MECOM: variants seen among roughly 807,000 people sequenced by gnomAD.
The protein encoded by MECOM is histone-lysine N-methyltransferase MECOM.
Under a neutral mutation model 116.3 loss-of-function variants are expected in MECOM, and 13 were observed. The observed-to-expected ratio is 0.11, with a 90% CI of 0.07 to 0.18. The LOEUF (loss-of-function observed/expected upper bound fraction) is 0.18, where lower values mean the gene tolerates loss of function less well. Ranked by LOEUF, MECOM falls within the 10% of genes least tolerant of loss-of-function variation. The pLI, the probability that MECOM is intolerant of heterozygous loss-of-function variation, is 1.00. For missense variants in MECOM, 1,299 were observed against 1,509.0 expected (o/e 0.86, Z 2.31); for synonymous variants, 528 against 535.2 (o/e 0.99, Z 0.19).
chr3:169,284,954 G>A (rs1712963000), intron 2 of MECOM, among the ~76,000 whole-genome samples: 2 of 152,280 alleles, frequency 1.3e-5, no homozygotes, highest in Admixed American at 1.3e-4. Flanking sequence ...GGAGAGGGGA[G>A]GTTGCCCTTC....
chr3:169,643,349 TAA>T (rs1439651156), intron 1 of MECOM, among the ~76,000 whole-genome samples: 2 of 152,210 alleles, frequency 1.3e-5, no homozygotes, highest in African/African-American at 4.8e-5. Flanking sequence ...TATGAGCCTT[TAA>T]ATATTGAGTT....
At chr3:169,389,230 C>T (rs947087145) in intron 1 of MECOM, among the ~76,000 whole-genome samples, 1 of 152,198 alleles carries the variant, frequency 6.6e-6, no homozygotes, top group Admixed American at 6.5e-5. Flanking sequence ...TGGAACTAAG[C>T]TTTTGTCAAA....
chr3:169,595,952 A>G (rs954981318), intron 1 of MECOM, among the ~76,000 whole-genome samples: 5 of 152,198 alleles, frequency 3.3e-5, no homozygotes, highest in African/African-American at 9.6e-5. Context: ...GTCAATTTCA[A>G]TCAGACACTA....
intron 1 of MECOM, among the ~76,000 whole-genome samples, chr3:169,661,923 C>T (rs570370965): frequency 6.6e-6 from 1 of 152,320 alleles, no homozygotes; most frequent in South Asian, 2.1e-4. Context: ...GAGAGAGAAC[C>T]GCGGCCTGTC....
chr3:169,370,405 C>G (rs1165120757), intron 2 of MECOM, among the ~76,000 whole-genome samples: 1 of 151,904 alleles, frequency 6.6e-6, no homozygotes, highest in East Asian at 1.9e-4. Flanking sequence ...AACCTACAAC[C>G]TGAAATCATA....
chr3:169,421,142 T>C (rs757709395), intron 1 of MECOM, among the ~76,000 whole-genome samples: 1 of 152,124 alleles, frequency 6.6e-6, no homozygotes, highest in Non-Finnish European at 1.5e-5. Context: ...GGGAAAGGGT[T>C]CTATTATCTG....
At position 169,143,687 on chromosome 3, in the gene MECOM, T is replaced by G. The variant is rs767487927; in HGVS notation, c.510+11A>C. The G allele has an allele frequency of 6.4e-7, 1 of 1,559,250 alleles. No individual in the cohort carries two copies. Among genetic ancestry groups the G allele is most frequent in the Admixed American group, 1.9e-5 (1 of 52,530 alleles). On this transcript the variant is annotated intron_variant, in intron 3 of 16. Coordinates refer to ENST00000651503, the MANE Select transcript of MECOM (RefSeq NM_004991.4). ...CTCTCAAGGAAAGACAAGAAAATCT[T>G]TACAACATACCTGATCATTTATCTG... is the stretch of plus-strand genomic sequence containing the variant.
At chr3:169,558,839 C>A (rs1038129966) in intron 1 of MECOM, among the ~76,000 whole-genome samples, 4 of 152,102 alleles carry the variant, frequency 2.6e-5, no homozygotes, top group Non-Finnish European at 4.4e-5. Flanking sequence ...ATTCAACTTA[C>A]CAATGCTTAA....
At chr3:169,433,687 A>AAGAG (rs762474107) in intron 1 of MECOM, among the ~76,000 whole-genome samples, 7 of 109,084 alleles carry the variant, frequency 6.4e-5, no homozygotes, top group African/African-American at 1.7e-4. Flanking sequence ...GAAAGAAAGA[A>AAGAG]AGAGAAAGAA....
At chr3:169,578,674 A>ATGTG (rs1326347820) in intron 1 of MECOM, among the ~76,000 whole-genome samples, 3 of 151,862 alleles carry the variant, frequency 2.0e-5, no homozygotes, top group Admixed American at 2.0e-4. Flanking sequence ...TAGTAATTGC[A>ATGTG]TGTGTGTGTG....
chr3:169,183,159 G>A (rs1044964489), intron 2 of MECOM, among the ~76,000 whole-genome samples: 4 of 152,146 alleles, frequency 2.6e-5, no homozygotes. Flanking sequence ...TAGTAACAAA[G>A]GCAAGTTGTT....
At chr3:169,100,063 A>C (rs2148937653) in intron 12 of MECOM, among the ~76,000 whole-genome samples, 1 of 149,306 alleles carries the variant, frequency 6.7e-6, no homozygotes, top group Non-Finnish European at 1.5e-5. Flanking sequence ...TCCCAGGTTT[A>C]AGATCTATTC....
intron 1 of MECOM, among the ~76,000 whole-genome samples, chr3:169,576,838 C>CAGAGAGAG (rs59983835): frequency 6.6e-4 from 82 of 125,096 alleles, no homozygotes; most frequent in Non-Finnish European, 9.3e-4. Context: ...CACACACACA[C>CAGAGAGAG]AGAGAGAGAG....
chr3:169,581,989 T>C (rs995261178), intron 1 of MECOM, among the ~76,000 whole-genome samples: 11 of 152,226 alleles, frequency 7.2e-5, no homozygotes, highest in Admixed American at 2.0e-4. Context: ...GTCAATAATA[T>C]GAATCAGATG....
intron 1 of MECOM, among the ~76,000 whole-genome samples, chr3:169,640,490 A>G (rs1184051105): frequency 1.3e-5 from 2 of 152,236 alleles, no homozygotes; most frequent in Non-Finnish European, 2.9e-5. Flanking sequence ...GGAGAAACCT[A>G]CTTGTAGGAG....
At chr3:169,564,595 C>A (rs987902457) in intron 1 of MECOM, among the ~76,000 whole-genome samples, 2 of 152,156 alleles carry the variant, frequency 1.3e-5, no homozygotes, top group African/African-American at 4.8e-5. Context: ...AAGTGCCCCC[C>A]CAAAAAATAC....
In MECOM at chr3:169,549,501, G is replaced by A. The variant is rs527856972; in HGVS notation, c.37+113835C>T. ...ATACCAAAAGACAAGCTTTGCCTAT[G>A]CCAGTTCTCAAAGCTTTGAAACCCT... On this transcript the variant is annotated intron_variant, in intron 1 of 16. Transcript: ENST00000651503. 1.2e-3 allele frequency among the ~76,000 whole-genome samples: 183 copies of A among 152,058 alleles called. 1 individual carries two copies. Among genetic ancestry groups the A allele is most frequent in the African/African-American group, 4.2e-3 (173 of 41,470 alleles).
intron 1 of MECOM, among the ~76,000 whole-genome samples, chr3:169,607,475 A>G (rs898477278): frequency 6.6e-6 from 1 of 152,264 alleles, no homozygotes; most frequent in African/African-American, 2.4e-5. Flanking sequence ...TTAAAATACC[A>G]CTACAAAAGA....
chr3:169,493,249 A>T (rs61471439), intron 1 of MECOM, among the ~76,000 whole-genome samples: 22,864 of 152,076 alleles, frequency 0.15, 2,069 homozygotes, highest in African/African-American at 0.25. Flanking sequence ...GTTTATTTGC[A>T]AATATGGTTT....
Sources: gnomAD v4.1 joint callset for allele counts (sites outside exome capture counted in the v4.1 genomes callset) on GRCh38, gnomAD v4.1.1 for gene constraint, MANE v1.5 for transcripts, NCBI Gene and HGNC (gene_info 2026-07-23, HGNC 2026-07-21) for gene names.